PRRT4: variants seen among roughly 807,000 people sequenced by gnomAD.
PRRT4 encodes the protein proline-rich transmembrane protein 4.
Under a neutral mutation model 55.6 loss-of-function variants are expected in PRRT4, and 59 were observed. The ratio of observed to expected loss-of-function variants is 1.06; its 90% confidence interval spans 0.86 to 1.32. PRRT4 has a LOEUF of 1.32. Among genes scored for constraint, PRRT4 ranks in the 40% most tolerant of loss-of-function variants. The probability of loss-of-function intolerance (pLI) is 0.00; values close to 1 mark genes in which losing one functional copy is unlikely to be tolerated. For synonymous variants in PRRT4, 606 were observed against 601.8 expected (o/e 1.01, Z -0.10); for missense variants, 1,217 against 1,222.0 (o/e 1.00, Z 0.06).
chr7:128,360,742 T>A (rs560246049), intron 1 of PRRT4, among the ~76,000 whole-genome samples: 4 of 152,062 alleles, frequency 2.6e-5, no homozygotes, highest in African/African-American at 7.2e-5. Flanking sequence ...AGGGGCAGCT[T>A]GGCGATCTCC....
intron 1 of PRRT4, among the ~76,000 whole-genome samples, chr7:128,361,076 GTCTCTC>G (rs71160633): frequency 0.011 from 1,097 of 100,458 alleles, 13 homozygotes; most frequent in Middle Eastern, 0.017. Flanking sequence ...GGCCTCCCCT[GTCTCTC>G]TCTCTCTCTC....
chr7:128,354,810 C>T (rs953582474), intron 4 of PRRT4, among the ~76,000 whole-genome samples: 2 of 152,100 alleles, frequency 1.3e-5, no homozygotes, highest in African/African-American at 4.8e-5. Context: ...TGGCAGCATG[C>T]GCCCTGGTTC....
At position 128,358,454 on chromosome 7, in the gene PRRT4, C is replaced by G. The variant is rs574566817; in HGVS notation, c.877+227G>C. Among the ~76,000 whole-genome samples the G allele has an allele frequency of 5.3e-5, 8 of 152,314 alleles. No individual in the cohort carries two copies. In the East Asian group the frequency reaches 1.5e-3, roughly 29 times the overall value. ...CATCTGTCTACATCCTGCTCTGCCTCTCATTGCAAAACACTCAGGGGACCA... is the reference window on the plus strand; with the variant it reads ...CATCTGTCTACATCCTGCTCTGCCTGTCATTGCAAAACACTCAGGGGACCA... On this transcript the variant is annotated intron_variant, in intron 4 of 4. Transcript: ENST00000535159. This position sits in a 1 kb window ranked among gnomAD's most constrained non-coding sequence, Gnocchi z 4.4.
Position 128,358,915 on chromosome 7 carries a change from A to G in PRRT4, c.758-115T>C. 1.4e-6 allele frequency: 2 copies of G among 1,439,124 alleles called. No individual in the cohort carries two copies. The highest frequency in any genetic ancestry group is 2.5e-5 in the East Asian group (1 of 40,252). 89.1% of individuals were successfully genotyped at this position (1,439,124 alleles called of 1,614,324 possible). ...TTTGTCCTAAGGAAGTCACTGTCCCAGGAATTGTAGCCACATGCTAAGCTC... is the reference window on the plus strand; with the variant it reads ...TTTGTCCTAAGGAAGTCACTGTCCCGGGAATTGTAGCCACATGCTAAGCTC... On this transcript the variant is annotated intron_variant, in intron 3 of 4. Transcript: ENST00000535159. This position sits in a 1 kb window ranked among gnomAD's most constrained non-coding sequence, Gnocchi z 4.4.
In PRRT4 at chr7:128,358,669, T is replaced by C; in HGVS notation, c.877+12A>G. On this transcript the variant is annotated intron_variant, in intron 4 of 4. Transcript: ENST00000535159. This position sits in a 1 kb window ranked among gnomAD's most constrained non-coding sequence, Gnocchi z 4.4. ...TAAATAATTGTCAAGTTCAAATGAA[T>C]TGGATACTTACCTAATGATGTTGTT... 4 of 1,551,244 alleles carry C rather than the reference T, an allele frequency of 2.6e-6. No individual in the cohort carries two copies. The highest frequency in any genetic ancestry group is 2.6e-6 in the Non-Finnish European group (3 of 1,146,616).
Position 128,361,441 on chromosome 7 carries a change from C to G in PRRT4, c.-73+120G>C, listed in dbSNP as rs1017777067. The G allele has an allele frequency of 6.5e-6, 1 of 152,678 alleles. No individual in the cohort carries two copies. The allele number at this position is 152,678 out of a possible 1,614,324, so 9.5% of individuals were successfully genotyped here. On this transcript the variant is annotated intron_variant, in intron 1 of 4. Coordinates refer to ENST00000535159, the Ensembl canonical transcript of PRRT4. ...CTTCTCTCTGTTGTGCCCAGCGCCC[C>G]GACTGAAGATCCGGACCTCCAGCCC...
At chr7:128,350,691 T>C (rs1796936200), downstream of PRRT4, 2 of 1,100,262 alleles carry the variant, frequency 1.8e-6, no homozygotes, top group Non-Finnish European at 2.5e-6. Flanking sequence ...TCCCAATCGA[T>C]AGAGCCTGGC....
Position 128,351,903 on chromosome 7 carries a change from C to T in PRRT4, c.1653G>A (p.Arg551=), listed in dbSNP as rs1238943320. The T allele has an allele frequency of 3.0e-6, 4 of 1,323,180 alleles. No homozygotes were observed. The South Asian group carries it at 8.6e-5, about 28-fold the overall frequency. 82.0% of individuals were successfully genotyped at this position (1,323,180 alleles called of 1,614,324 possible). ...TGCGCGCCGCGCGCCGCCAGGACTC[C>T]CGAGGGGCGAAGGGGCTGCGCCCCT... The change falls in exon 5 of 5, where the codon CGG becomes CGA. Residue 551 remains arginine, a synonymous_variant. Transcript: ENST00000535159.
exon 2 of PRRT4, chr7:128,359,914 G>A (rs1487200999): frequency 6.9e-7 from 1 of 1,456,380 alleles, no homozygotes; most frequent in Non-Finnish European, 9.1e-7. Flanking sequence ...GGATGGAGGG[G>A]GTGGGCTGGG....
intron 4 of PRRT4, among the ~76,000 whole-genome samples, chr7:128,354,335 G>A (rs766111368): frequency 3.3e-4 from 50 of 152,116 alleles, no homozygotes; most frequent in African/African-American, 1.1e-3. Context: ...AGGCCGTGGC[G>A]AGCAGATCAC....
chr7:128,360,173 G>C (rs2116501852), intron 1 of PRRT4, 110 bp from the exon 3 acceptor site: 1 of 453,470 alleles, frequency 2.2e-6, no homozygotes, highest in East Asian at 3.5e-5. Context: ...AGGTAGTGTG[G>C]GCAGGATGCA....
At chr7:128,354,782 C>T (rs1797079215) in intron 4 of PRRT4, among the ~76,000 whole-genome samples, 2 of 152,284 alleles carry the variant, frequency 1.3e-5, no homozygotes, top group South Asian at 4.2e-4. Flanking sequence ...ATATACACAG[C>T]TCACTGCCAA....
At chr7:128,359,548 G>A in exon 2 of PRRT4, 1 of 1,490,450 alleles carries the variant, frequency 6.7e-7, no homozygotes, top group Non-Finnish European at 8.9e-7. Flanking sequence ...TGCTCCTCCT[G>A]GGCTGATAGG....
chr7:128,353,969 C>CA (rs1181053956), intron 4 of PRRT4, among the ~76,000 whole-genome samples: 3 of 152,168 alleles, frequency 2.0e-5, no homozygotes, highest in Non-Finnish European at 4.4e-5. Context: ...GGATTCTCCC[C>CA]AGGGCCAGGC....
chr7:128,361,781 C>A, upstream of PRRT4: 1 of 152,810 alleles, frequency 6.5e-6, no homozygotes, highest in South Asian at 1.9e-4. Flanking sequence ...CCCGCGGTCC[C>A]CCCACACCCG....
exon 5 of PRRT4, chr7:128,351,349 A>C: frequency 1.9e-6 from 3 of 1,547,334 alleles, no homozygotes; most frequent in Non-Finnish European, 2.6e-6. Context: ...CTCGCTGCAG[A>C]GGGCCTCCTC....
chr7:128,352,679 C>T lies in PRRT4; in HGVS notation c.878-1G>A, dbSNP rs771158767. ...GGGCCAGAGATGGGGACTGTGGGGTCTGTGGGCAAAGAACGTTTGGCTTGA... is the reference window on the plus strand; with the variant it reads ...GGGCCAGAGATGGGGACTGTGGGGTTTGTGGGCAAAGAACGTTTGGCTTGA... On this transcript the variant is annotated splice_acceptor_variant, in intron 4 of 4. Coordinates refer to ENST00000535159, the Ensembl canonical transcript of PRRT4. LOFTEE classifies it high-confidence loss of function. The T allele has an allele frequency of 6.6e-7, 1 of 1,520,596 alleles. No homozygotes were observed. Among genetic ancestry groups the T allele is most frequent in the South Asian group, 1.2e-5 (1 of 82,942 alleles). 94.2% of individuals were successfully genotyped at this position (1,520,596 alleles called of 1,614,324 possible).
At chr7:128,360,471 T>C (rs2116503793) in intron 1 of PRRT4, among the ~76,000 whole-genome samples, 1 of 152,304 alleles carries the variant, frequency 6.6e-6, no homozygotes, top group South Asian at 2.1e-4. Context: ...AAGCAAGCCC[T>C]TCCGATGTCT....
rs955573119 is a variant in PRRT4, at chr7:128,358,256, T to C, written c.877+425A>G. Among the ~76,000 whole-genome samples the C allele has an allele frequency of 1.3e-5, 2 of 152,152 alleles. No homozygotes were observed. Among genetic ancestry groups the C allele is most frequent in the African/African-American group, 4.8e-5 (2 of 41,424 alleles). ...GGTCTCCTCCTCAGTGTCTTCCCAA[T>C]GAGAAACCCAGCTCTTCCCATATCT... is the stretch of plus-strand genomic sequence containing the variant. On this transcript the variant is annotated intron_variant, in intron 4 of 4. Coordinates refer to ENST00000535159, the Ensembl canonical transcript of PRRT4. This position sits in a 1 kb window ranked among gnomAD's most constrained non-coding sequence, Gnocchi z 4.4.
Sources: allele counts gnomAD v4.1 joint callset (sites outside exome capture counted in the v4.1 genomes callset), GRCh38; gene constraint gnomAD v4.1.1; non-coding constraint Gnocchi (gnomAD v3.1); transcripts MANE v1.5; gene names NCBI Gene and HGNC (gene_info 2026-07-23, HGNC 2026-07-21).